CPNE4: variants seen among roughly 807,000 people sequenced by gnomAD.
The protein encoded by CPNE4 is copine 4, also known as copine-4.
In CPNE4, 25 loss-of-function variants were observed where a neutral mutation model predicts 67.9. That is an observed-to-expected ratio of 0.37 (90% CI 0.27 to 0.51). CPNE4 has a LOEUF of 0.51. Among genes scored for constraint, CPNE4 ranks in the 20% least tolerant of loss-of-function variants. The pLI, the probability that CPNE4 is intolerant of heterozygous loss-of-function variation, is 0.93. For synonymous variants in CPNE4, 242 were observed against 244.9 expected (o/e 0.99, Z 0.11); for missense variants, 464 against 690.8 (o/e 0.67, Z 3.68).
intron 7 of CPNE4, among the ~76,000 whole-genome samples, chr3:131,658,011 A>G (rs891599579): frequency 1.2e-4 from 18 of 152,188 alleles, no homozygotes; most frequent in African/African-American, 4.1e-4. Context: ...TGCTCACCAA[A>G]TAACATATTT....
At chr3:131,742,302 TCTC>T (rs1231028948) in intron 2 of CPNE4, among the ~76,000 whole-genome samples, 11 of 152,132 alleles carry the variant, frequency 7.2e-5, no homozygotes, top group African/African-American at 2.7e-4. Flanking sequence ...ACACCGGTCT[TCTC>T]CTGGCTTTGG....
chr3:131,743,942 G>A (rs1218821272), intron 2 of CPNE4, among the ~76,000 whole-genome samples: 7 of 96,338 alleles, frequency 7.3e-5, no homozygotes, highest in South Asian at 3.8e-4. Flanking sequence ...CAGCCTGGGC[G>A]ACAGAGCGAG....
At chr3:131,885,946 G>T (rs1032783746) in intron 2 of CPNE4, among the ~76,000 whole-genome samples, 1 of 152,206 alleles carries the variant, frequency 6.6e-6, no homozygotes, top group Non-Finnish European at 1.5e-5. Flanking sequence ...ACCTGACAAT[G>T]CAATAGAAAA....
chr3:131,566,418 G>A (rs1199407296), intron 10 of CPNE4, among the ~76,000 whole-genome samples: 2 of 150,118 alleles, frequency 1.3e-5, no homozygotes, highest in East Asian at 3.9e-4. Flanking sequence ...GAAGGTGAGA[G>A]CCAACCCACC....
intron 2 of CPNE4, among the ~76,000 whole-genome samples, chr3:131,789,887 A>G (rs905215323): frequency 5.3e-5 from 8 of 152,172 alleles, no homozygotes; most frequent in East Asian, 1.9e-4. Flanking sequence ...GGAGCCCTAC[A>G]TCTAGCCCAG....
At chr3:131,986,761 G>A (rs1374337228) in intron 1 of CPNE4, among the ~76,000 whole-genome samples, 3 of 150,496 alleles carry the variant, frequency 2.0e-5, no homozygotes, top group Non-Finnish European at 3.0e-5. Flanking sequence ...AAGCCGGGAG[G>A]CGGAGGTTGC....
chr3:131,803,784 G>A (rs1052985061), intron 2 of CPNE4, among the ~76,000 whole-genome samples: 8 of 152,134 alleles, frequency 5.3e-5, no homozygotes, highest in Non-Finnish European at 7.3e-5. Flanking sequence ...ATTTAACAAC[G>A]GGGAAATGGT....
chr3:131,818,304 A>T (rs954927290), intron 2 of CPNE4, among the ~76,000 whole-genome samples: 5 of 152,220 alleles, frequency 3.3e-5, no homozygotes, highest in Admixed American at 1.3e-4. Flanking sequence ...GAAGCTTCAC[A>T]GCGTAAGGCT....
intron 7 of CPNE4, among the ~76,000 whole-genome samples, chr3:131,656,570 T>G (rs2079974677): frequency 6.6e-6 from 1 of 152,216 alleles, no homozygotes; most frequent in African/African-American, 2.4e-5. Context: ...TATCCATCTA[T>G]TCATTCTTTA....
intron 4 of CPNE4, 75 bp downstream of exon 4, chr3:131,699,834 G>T (rs2081248464): frequency 8.8e-7 from 1 of 1,142,610 alleles, no homozygotes; most frequent in Non-Finnish European, 1.3e-6. Context: ...TGCTTCCCAA[G>T]TGTCTGGTTT....
At chr3:131,772,644 C>T (rs578152027) in intron 2 of CPNE4, among the ~76,000 whole-genome samples, 1 of 152,212 alleles carries the variant, frequency 6.6e-6, no homozygotes, top group Non-Finnish European at 1.5e-5. Context: ...GGCCTGGTAA[C>T]GCTCCGTCAA....
At chr3:132,003,176 T>C (rs1052392124) in intron 1 of CPNE4, among the ~76,000 whole-genome samples, 2 of 152,140 alleles carry the variant, frequency 1.3e-5, no homozygotes, top group Admixed American at 1.3e-4. Context: ...TGCGTATGCA[T>C]TGAATGTACA....
At chr3:131,914,673 C>T (rs946259262) in intron 1 of CPNE4, among the ~76,000 whole-genome samples, 1 of 152,096 alleles carries the variant, frequency 6.6e-6, no homozygotes, top group African/African-American at 2.4e-5. Context: ...TTCTATAATT[C>T]GTTTAAAAAT....
chr3:131,719,630 A>C (rs1175421743), intron 3 of CPNE4, among the ~76,000 whole-genome samples: 1 of 152,176 alleles, frequency 6.6e-6, no homozygotes. Flanking sequence ...AAAAATTCCC[A>C]TGTCAAACAG....
At chr3:131,778,322 G>A (rs931894129) in intron 2 of CPNE4, among the ~76,000 whole-genome samples, 5 of 152,046 alleles carry the variant, frequency 3.3e-5, no homozygotes, top group African/African-American at 4.8e-5. Flanking sequence ...TCCCAGGAGC[G>A]TATGTCTAGC....
In CPNE4 at chr3:131,976,045, CT is replaced by C. The variant is rs1360862984; in HGVS notation, c.-2+58521del. 2.2e-4 allele frequency among the ~76,000 whole-genome samples: 32 copies of C among 145,248 alleles called. 1 individual carries two copies. The East Asian group carries it at 6.3e-3, about 28-fold the overall frequency. On this transcript the variant is annotated intron_variant, in intron 1 of 15. Coordinates refer to ENST00000429747, the MANE Select transcript of CPNE4 (RefSeq NM_130808.3). ...TGATATTTAAAAAAAAACTATAGGA[CT>C]TTTTTTAAAACTTAATAATCTGTCA...
chr3:131,688,332 A>G (rs370109291), intron 5 of CPNE4, among the ~76,000 whole-genome samples: 7 of 152,078 alleles, frequency 4.6e-5, no homozygotes, highest in Admixed American at 3.9e-4. Context: ...CAAGACCCCA[A>G]AATGGTGGCT....
At chr3:131,692,445 A>G (rs2081056454) in intron 5 of CPNE4, among the ~76,000 whole-genome samples, 1 of 152,210 alleles carries the variant, frequency 6.6e-6, no homozygotes, top group South Asian at 2.1e-4. Context: ...ATACTTAAAC[A>G]TAGTAAAATC....
At chr3:131,536,547 G>A (rs1179311323) in intron 15 of CPNE4, among the ~76,000 whole-genome samples, 6 of 152,182 alleles carry the variant, frequency 3.9e-5, no homozygotes, top group Non-Finnish European at 8.8e-5. Flanking sequence ...TTTTCTATGT[G>A]GCTTGCCACT....
Sources: gnomAD v4.1 joint callset for allele counts (sites outside exome capture counted in the v4.1 genomes callset) on GRCh38, gnomAD v4.1.1 for gene constraint, MANE v1.5 for transcripts, NCBI Gene and HGNC (gene_info 2026-07-23, HGNC 2026-07-21) for gene names.